Variants in SMIM28 observed in about 807,000 individuals in gnomAD.
SMIM28 encodes the protein small integral membrane protein 28.
intron 1 of SMIM28, among the ~76,000 whole-genome samples, chr6:138,379,999 C>T (rs955395418): frequency 2.6e-5 from 4 of 151,972 alleles, no homozygotes; most frequent in African/African-American, 4.8e-5. Flanking sequence ...ATCTTCTAGC[C>T]GCACCAATAA....
At chr6:138,382,290 G>C (rs533826910) in intron 1 of SMIM28, among the ~76,000 whole-genome samples, 3 of 151,694 alleles carry the variant, frequency 2.0e-5, no homozygotes, top group Non-Finnish European at 2.9e-5. Context: ...CCAGCTACTC[G>C]GGAGGCTGAG....
chr6:138,382,609 G>A lies in SMIM28; in HGVS notation c.221G>A (p.Arg74His), dbSNP rs894336236. Residue 74 changes from arginine (R) to histidine (H), a missense_variant, in exon 2 of 2, where the codon CGC becomes CAC. By Grantham distance (29) the Arg-to-His change is conservative. Transcript: ENST00000573100. The part of the protein sequence containing the change: ...FLAFLLLFLY[R>H]RCKSPPPQGQ... ...GCATTTCTGCTGCTGTTCCTGTACC[G>A]CCGCTGCAAGTCCCCACCGCCCCAG... 1.8e-5 allele frequency: 7 copies of A among 398,626 alleles called. No homozygotes were observed. Among genetic ancestry groups the A allele is most frequent in the East Asian group, 3.6e-5 (1 of 28,052 alleles). 24.7% of individuals were successfully genotyped at this position (398,626 alleles called of 1,614,324 possible).
chr6:138,382,119 G>A (rs186114374), intron 1 of SMIM28, among the ~76,000 whole-genome samples: 79 of 152,074 alleles, frequency 5.2e-4, no homozygotes, highest in African/African-American at 1.7e-3. Context: ...GGCCTTGGCC[G>A]GGTGCTGTGG....
At chr6:138,380,951 G>A (rs547956981) in intron 1 of SMIM28, among the ~76,000 whole-genome samples, 4 of 151,648 alleles carry the variant, frequency 2.6e-5, no homozygotes, top group East Asian at 1.9e-4. Flanking sequence ...TGTCCAGGAC[G>A]GAGTGAAGTG....
intron 1 of SMIM28, among the ~76,000 whole-genome samples, chr6:138,380,013 T>C (rs9495055): frequency 0.16 from 24,312 of 152,198 alleles, 3,481 homozygotes; most frequent in African/African-American, 0.39. Context: ...CCAATAAATT[T>C]CTAGATTTCT....
At chr6:138,381,850 C>A (rs928385067) in intron 1 of SMIM28, among the ~76,000 whole-genome samples, 25 of 152,294 alleles carry the variant, frequency 1.6e-4, no homozygotes, top group African/African-American at 6.0e-4. Context: ...TAAGAATTTT[C>A]TTTCAAGAAA....
chr6:138,379,855 T>C (rs1774293191), intron 1 of SMIM28, among the ~76,000 whole-genome samples: 1 of 152,186 alleles, frequency 6.6e-6, no homozygotes, highest in African/African-American at 2.4e-5. Context: ...AATTCTGATA[T>C]CAAATTAGAT....
rs1413902519 is a variant in SMIM28 at position 138,383,068 on chromosome 6, G to A, written c.*221G>A. ...GGTTAACCTATCTTCACATTCCTTA[G>A]GGGAAAGTTTCCCAGGTTCTTCTAA... On this transcript the variant is annotated 3_prime_UTR_variant, in exon 2 of 2. Transcript: ENST00000573100. 4.4e-5 allele frequency: 16 copies of A among 363,628 alleles called. No homozygotes were observed. Among genetic ancestry groups the A allele is most frequent in the Non-Finnish European group, 7.3e-5 (15 of 204,748 alleles). 22.5% of individuals were successfully genotyped at this position (363,628 alleles called of 1,614,324 possible).
intron 1 of SMIM28, among the ~76,000 whole-genome samples, chr6:138,381,816 TAAATA>T (rs1774315408): frequency 6.6e-6 from 1 of 152,220 alleles, no homozygotes; most frequent in Non-Finnish European, 1.5e-5. Flanking sequence ...GGTCTCATTC[TAAATA>T]AAATAAGTAC....
rs1193016715 is a variant in SMIM28 at position 138,383,191 on chromosome 6, C to G, written c.*344C>G. On this transcript the variant is annotated 3_prime_UTR_variant, in exon 2 of 2. Transcript: ENST00000573100. ...AAAAAAACACTTAATTACTAATGAGCACAGGAACAGGCTCTGAAGGGCAAG... is the reference window on the plus strand; with the variant it reads ...AAAAAAACACTTAATTACTAATGAGGACAGGAACAGGCTCTGAAGGGCAAG... 1 of 163,578 alleles carries G rather than the reference C, an allele frequency of 6.1e-6. No homozygotes were observed. Among genetic ancestry groups the G allele is most frequent in the African/African-American group, 2.4e-5 (1 of 41,726 alleles). 10.1% of individuals were successfully genotyped at this position (163,578 alleles called of 1,614,324 possible).
chr6:138,380,787 T>TAAATAAATAAATAAATAAATAAATA (rs1554213899), intron 1 of SMIM28, among the ~76,000 whole-genome samples: 3,566 of 151,154 alleles, frequency 0.024, 106 homozygotes, highest in African/African-American at 0.054. Flanking sequence ...AATACATAAA[T>TAAATAAATAAATAAATAAATAAATA]AAATGCAGGC....
chr6:138,381,836 A>G (rs758044704), intron 1 of SMIM28, among the ~76,000 whole-genome samples: 4 of 152,230 alleles, frequency 2.6e-5, no homozygotes, highest in Non-Finnish European at 5.9e-5. Context: ...AAGTACATAA[A>G]TAGTAAGAAT....
chr6:138,380,787 T>TAAATAAATA lies in SMIM28; in HGVS notation c.112-1709_112-1708insAAATAAAAT, dbSNP rs1554213899. Reference sequence around the variant, plus strand: ...GTCTCTAAATAAATAAATACATAAATAAATGCAGGCTAGATAAACCAGTCT... The same window carrying TAAATAAATA: ...GTCTCTAAATAAATAAATACATAAATAAATAAATAAAATGCAGGCTAGATAAACCAGTCT... On this transcript the variant is annotated intron_variant, in intron 1 of 1. Coordinates refer to ENST00000573100, the MANE Select transcript of SMIM28 (RefSeq NM_001368163.3). 2.3e-3 allele frequency among the ~76,000 whole-genome samples: 341 copies of TAAATAAATA among 151,244 alleles called. 3 individuals carry two copies. The highest frequency in any genetic ancestry group is 7.7e-3 in the African/African-American group (312 of 40,676).
Position 138,382,681 on chromosome 6 carries a change from A to G in SMIM28, c.293A>G (p.Glu98Gly), listed in dbSNP as rs909998942. The change falls in exon 2 of 2, where the codon GAG (glutamate) becomes GGG (glycine). Residue 98 changes from glutamate to glycine, a missense_variant. Transcript: ENST00000573100. ...IDLPEHPPAGEVTDLLPGLAW... is the reference protein window; with the variant it reads ...IDLPEHPPAGGVTDLLPGLAW... Reference sequence around the variant, plus strand: ...CTACCAGAGCACCCACCTGCAGGAGAGGTGACAGACCTCCTGCCCGGCCTG... The same window carrying G: ...CTACCAGAGCACCCACCTGCAGGAGGGGTGACAGACCTCCTGCCCGGCCTG... 5 of 398,470 alleles carry G rather than the reference A, an allele frequency of 1.3e-5. No homozygotes were observed. The highest frequency in any genetic ancestry group is 2.1e-5 in the African/African-American group (1 of 48,540). The allele number at this position is 398,470 out of a possible 1,614,324, so 24.7% of individuals were successfully genotyped here. A position where few individuals can be genotyped will look rare whatever the true frequency, so the allele number is the denominator to read the frequency against.
rs1004092555 is a variant in SMIM28, at chr6:138,383,480, G to C, written c.*633G>C. 1.3e-5 allele frequency among the ~76,000 whole-genome samples: 2 copies of C among 152,122 alleles called. No individual in the cohort carries two copies. Among genetic ancestry groups the C allele is most frequent in the African/African-American group, 4.8e-5 (2 of 41,428 alleles). ...TTAGTTAAAAAATAATAATAAAGCTGTCCAAAGTTATCTTCTTTGTAGTGT... is the reference window on the plus strand; with the variant it reads ...TTAGTTAAAAAATAATAATAAAGCTCTCCAAAGTTATCTTCTTTGTAGTGT... On this transcript the variant is annotated 3_prime_UTR_variant, in exon 2 of 2. Coordinates refer to ENST00000573100, the MANE Select transcript of SMIM28 (RefSeq NM_001368163.3).
rs559488750 is a variant in SMIM28, at chr6:138,382,744, C to G, written c.356C>G (p.Pro119Arg). The change falls in exon 2 of 2, where the codon CCC (proline) becomes CGC (arginine). Residue 119 changes from proline to arginine, a missense_variant. Transcript: ENST00000573100. Reference protein sequence around the residue: ...SSEDFPYSPLPPEATLPSQCL... With the variant: ...SSEDFPYSPLRPEATLPSQCL... The stretch of plus-strand genomic sequence containing the variant: ...GAGGACTTCCCCTACTCCCCACTGC[C>G]CCCGGAGGCCACTCTCCCCTCCCAG... 15 of 398,658 alleles carry G rather than the reference C, an allele frequency of 3.8e-5. No individual in the cohort carries two copies. Among genetic ancestry groups the G allele is most frequent in the Non-Finnish European group, 6.6e-5 (15 of 226,140 alleles). The allele number at this position is 398,658 out of a possible 1,614,324, so 24.7% of individuals were successfully genotyped here.
intron 1 of SMIM28, 136 bp downstream of exon 1, chr6:138,378,319 C>A (rs1029842246): frequency 7.6e-6 from 3 of 395,096 alleles, no homozygotes; most frequent in Non-Finnish European, 1.3e-5. Flanking sequence ...AATAGGAATT[C>A]ACTGATTGGC....
At chr6:138,381,146 TCCTCCCACCTCAG>T (rs1554213929) in intron 1 of SMIM28, among the ~76,000 whole-genome samples, 1 of 152,060 alleles carries the variant, frequency 6.6e-6, no homozygotes, top group Non-Finnish European at 1.5e-5. Flanking sequence ...CCTCCAGTGA[TCCTCCCACCTCAG>T]CCTCCCGAAG....
At chr6:138,381,962 GA>G (rs1385810628) in intron 1 of SMIM28, among the ~76,000 whole-genome samples, 3 of 152,198 alleles carry the variant, frequency 2.0e-5, no homozygotes, top group Admixed American at 2.0e-4. Flanking sequence ...ATACTTTTCT[GA>G]ATTCACACTT....
Sources: allele counts gnomAD v4.1 joint callset (sites outside exome capture counted in the v4.1 genomes callset), GRCh38; gene constraint gnomAD v4.1.1; transcripts MANE v1.5; gene names NCBI Gene and HGNC (gene_info 2026-07-23, HGNC 2026-07-21).